ABCA4: variants seen among roughly 807,000 people sequenced by gnomAD.
ABCA4 encodes ATP binding cassette subfamily A member 4, also known as retinal-specific phospholipid-transporting ATPase ABCA4.
Under a neutral mutation model 263.7 loss-of-function variants are expected in ABCA4, and 196 were observed. That is an observed-to-expected ratio of 0.74 (90% confidence interval 0.66 to 0.84). ABCA4 has a LOEUF of 0.84. Among genes scored for constraint, ABCA4 ranks in the 40% least tolerant of loss-of-function variants. The probability of loss-of-function intolerance (pLI) is 0.00; values close to 1 mark genes in which losing one functional copy is unlikely to be tolerated. For synonymous variants in ABCA4, 1,133 were observed against 1,094.2 expected (o/e 1.04, Z -0.70); for missense variants, 2,792 against 2,855.1 (o/e 0.98, Z 0.50).
At chr1:94,060,852 G>C in intron 13 of ABCA4, 93 bp from the exon 14 acceptor site, 1 of 1,081,722 alleles carries the variant, frequency 9.2e-7, no homozygotes, top group Non-Finnish European at 1.4e-6. Context: ...TGAGAACAAA[G>C]CCCAGATGGA....
In ABCA4 at chr1:94,098,895, T is replaced by G. The variant is rs147619585; in HGVS notation, c.667A>C (p.Lys223Gln). The change falls in exon 6 of 50, where the codon AAG (lysine) becomes CAG (glutamine). Residue 223 changes from lysine (K) to glutamine (Q), a missense_variant. Coordinates refer to ENST00000370225, the MANE Select transcript of ABCA4 (RefSeq NM_000350.3). ...FIIFSQRRGA[K>Q]TVRYALCSLS... The stretch of plus-strand genomic sequence containing the variant: ...GAGCACAGGGCATAGCGCACCGTCT[T>G]TGCCCCGCGTCTCTGGCTGAAGATG... 252 of 1,613,988 alleles carry G rather than the reference T, an allele frequency of 1.6e-4. 2 individuals carry two copies. In the Middle Eastern group the frequency reaches 1.6e-3, roughly 11 times the overall value.
At position 94,060,580 on chromosome 1, in the gene ABCA4, G is replaced by A. The variant is rs766854135; in HGVS notation, c.2117C>T (p.Ser706Phe). ...GAGGAAGATGCTCATCGACATGATG[G>A]AGAAGCTGTCCAGGAACCAGGTACA... The part of the protein sequence containing the change: ...IWCTWFLDSF[S>F]IMSMSIFLLT... The change falls in exon 14 of 50, where the codon TCC becomes TTC. Residue 706 changes from serine to phenylalanine, a missense_variant. Ser to Phe is a radical substitution (Grantham distance 155, BLOSUM62 -2). Coordinates refer to ENST00000370225, the MANE Select transcript of ABCA4 (RefSeq NM_000350.3). 1.9e-6 allele frequency: 3 copies of A among 1,614,190 alleles called. No homozygotes were observed. In the South Asian group the frequency reaches 3.3e-5, roughly 18 times the overall value.
At chr1:94,032,805 C>T (rs1660240771) in intron 26 of ABCA4, among the ~76,000 whole-genome samples, 2 of 152,170 alleles carry the variant, frequency 1.3e-5, no homozygotes, top group Admixed American at 6.5e-5. Flanking sequence ...AAAGAATGTC[C>T]ACCGACTGTC....
chr1:94,045,737 C>G (rs1460616796), intron 19 of ABCA4: 1 of 456,256 alleles, frequency 2.2e-6, no homozygotes, highest in East Asian at 7.0e-5. Context: ...ATGGCACCGG[C>G]CCCACATTCC....
intron 6 of ABCA4, among the ~76,000 whole-genome samples, chr1:94,096,311 C>T (rs753376483): frequency 2.6e-5 from 4 of 152,108 alleles, no homozygotes; most frequent in African/African-American, 7.2e-5. Flanking sequence ...TAAAAGCTAC[C>T]GCTCGGGGGG....
chr1:94,022,795 T>C (rs1659937933), intron 32 of ABCA4, among the ~76,000 whole-genome samples: 1 of 152,156 alleles, frequency 6.6e-6, no homozygotes, highest in African/African-American at 2.4e-5. Flanking sequence ...CACAGGTCCC[T>C]CTGGAGAGCA....
At chr1:94,001,229 C>T in intron 45 of ABCA4, 124 bp from the exon 46 acceptor site, 3 of 748,970 alleles carry the variant, frequency 4.0e-6, no homozygotes, top group South Asian at 3.2e-5. Context: ...TCACTCCCCT[C>T]ACTTGAGCAA....
intron 32 of ABCA4, among the ~76,000 whole-genome samples, chr1:94,022,654 T>C (rs1659934761): frequency 6.6e-6 from 1 of 152,128 alleles, no homozygotes; most frequent in Admixed American, 6.5e-5. Context: ...CCTCAAACCC[T>C]TCAAAGGCAG....
chr1:94,088,983 G>C (rs939168071), intron 6 of ABCA4, among the ~76,000 whole-genome samples: 2 of 152,194 alleles, frequency 1.3e-5, no homozygotes, highest in African/African-American at 2.4e-5. Flanking sequence ...CCTCACTTGA[G>C]TGTGGGTGGG....
intron 9 of ABCA4, among the ~76,000 whole-genome samples, 167 bp downstream of exon 9, chr1:94,079,155 C>T (rs1557794618): frequency 6.6e-6 from 1 of 152,108 alleles, no homozygotes; most frequent in Non-Finnish European, 1.5e-5. Flanking sequence ...TGAAGCAAAG[C>T]ATTCCAGTGA....
At chr1:94,037,601 G>A (rs1487397633) in intron 24 of ABCA4, among the ~76,000 whole-genome samples, 1 of 152,036 alleles carries the variant, frequency 6.6e-6, no homozygotes, top group East Asian at 1.9e-4. Context: ...GCAACCTGGG[G>A]GCGGAGGTTG....
intron 13 of ABCA4, 146 bp from the exon 14 acceptor site, chr1:94,060,905 C>A (rs1436647832): frequency 1.4e-6 from 1 of 736,530 alleles, no homozygotes; most frequent in Non-Finnish European, 2.4e-6. Flanking sequence ...ATTTAATGGG[C>A]TGGAATCTTT....
At chr1:94,024,757 A>T (rs1277574478) in intron 31 of ABCA4, among the ~76,000 whole-genome samples, 197 bp downstream of exon 31, 3 of 152,228 alleles carry the variant, frequency 2.0e-5, no homozygotes, top group African/African-American at 7.2e-5. Context: ...ACAAAAAAAG[A>T]ATTAATCTTA....
At chr1:94,111,289 G>A in intron 3 of ABCA4, 149 bp downstream of exon 3, 1 of 1,137,190 alleles carries the variant, frequency 8.8e-7, no homozygotes, top group Non-Finnish European at 1.3e-6. Flanking sequence ...GTTCCAGAGA[G>A]GAAACCTGCT....
chr1:94,102,756 A>T (rs960297121), intron 5 of ABCA4, among the ~76,000 whole-genome samples: 1 of 152,146 alleles, frequency 6.6e-6, no homozygotes, highest in African/African-American at 2.4e-5. Flanking sequence ...GTGCCCCATG[A>T]TCTCTAAGGT....
At position 94,121,081 on chromosome 1, in the gene ABCA4, T is replaced by G. The variant is rs771412927; in HGVS notation, c.-36A>C. On this transcript the variant is annotated 5_prime_UTR_variant, in exon 1 of 50. Transcript: ENST00000370225. Reference sequence around the variant, plus strand: ...ACACGAAGACCAGATTGGTCAGAGCTGAGGCCCCTCAGACAGCAAAGGACA... The same window carrying G: ...ACACGAAGACCAGATTGGTCAGAGCGGAGGCCCCTCAGACAGCAAAGGACA... 104 of 1,605,164 alleles carry G rather than the reference T, an allele frequency of 6.5e-5. No individual in the cohort carries two copies. Among genetic ancestry groups the G allele is most frequent in the Non-Finnish European group, 8.7e-5 (102 of 1,171,950 alleles).
chr1:94,095,184 A>G (rs906204938), intron 6 of ABCA4, among the ~76,000 whole-genome samples: 2 of 152,178 alleles, frequency 1.3e-5, no homozygotes, highest in Non-Finnish European at 2.9e-5. Context: ...TAGTAAGGCC[A>G]TGGGTACTGC....
intron 6 of ABCA4, among the ~76,000 whole-genome samples, chr1:94,087,352 C>T (rs921227449): frequency 1.3e-5 from 2 of 152,170 alleles, no homozygotes; most frequent in Admixed American, 6.5e-5. Context: ...GACTAGGCTT[C>T]GTCACAGTGA....
chr1:94,059,793 T>C (rs964410028), intron 14 of ABCA4: 2 of 152,374 alleles, frequency 1.3e-5, no homozygotes, highest in Non-Finnish European at 2.9e-5. Flanking sequence ...TCCTTATCAT[T>C]TAACAAGTAC....
Sources: allele counts gnomAD v4.1 joint callset (sites outside exome capture counted in the v4.1 genomes callset), GRCh38; gene constraint gnomAD v4.1.1; transcripts MANE v1.5; gene names NCBI Gene and HGNC (gene_info 2026-07-23, HGNC 2026-07-21).